MAPKAP1: variants seen among roughly 807,000 people sequenced by gnomAD.
MAPKAP1 encodes the protein MAPK associated protein 1.
In MAPKAP1, 20 loss-of-function variants were observed where a neutral mutation model predicts 65.7. The ratio of observed to expected loss-of-function variants is 0.30; its 90% CI spans 0.21 to 0.44. The LOEUF (loss-of-function observed/expected upper bound fraction) is 0.44. MAPKAP1 is among the 20% of genes least tolerant of loss of function. The probability of loss-of-function intolerance (pLI) is 1.00; values close to 1 mark genes in which losing one functional copy is unlikely to be tolerated. For missense variants in MAPKAP1, 423 were observed against 648.0 expected (o/e 0.65, Z 3.77); for synonymous variants, 222 against 244.3 (o/e 0.91, Z 0.85).
At chr9:125,656,991 T>C (rs754253451) in intron 4 of MAPKAP1, among the ~76,000 whole-genome samples, 1 of 152,154 alleles carries the variant, frequency 6.6e-6, no homozygotes, top group Non-Finnish European at 1.5e-5. Flanking sequence ...TTAGCCTCCA[T>C]AGCAAGTGTC....
chr9:125,565,740 G>GAAA, intron 5 of MAPKAP1: 1 of 124,612 alleles, frequency 8.0e-6, no homozygotes, highest in Admixed American at 1.9e-4. Context: ...TTTCTCTCCT[G>GAAA]CAAAAAAAAA....
At chr9:125,494,323 C>T (rs546242978) in intron 8 of MAPKAP1, among the ~76,000 whole-genome samples, 118 of 152,288 alleles carry the variant, frequency 7.7e-4, no homozygotes, top group Non-Finnish European at 1.3e-3. Context: ...GCCTGCCCAC[C>T]GCTCTGCAGT....
chr9:125,597,849 C>A (rs1466245783), intron 4 of MAPKAP1, among the ~76,000 whole-genome samples: 1 of 152,152 alleles, frequency 6.6e-6, no homozygotes, highest in Non-Finnish European at 1.5e-5. Context: ...GTACCTTTAT[C>A]CCAACTTCCT....
At chr9:125,616,919 T>C (rs1181072916) in intron 4 of MAPKAP1, among the ~76,000 whole-genome samples, 3 of 152,138 alleles carry the variant, frequency 2.0e-5, no homozygotes, top group Non-Finnish European at 4.4e-5. Flanking sequence ...TAAAATAGAA[T>C]TGATTAGAAT....
chr9:125,541,523 T>C (rs1438692246), intron 7 of MAPKAP1, among the ~76,000 whole-genome samples: 1 of 152,144 alleles, frequency 6.6e-6, no homozygotes, highest in Non-Finnish European at 1.5e-5. Flanking sequence ...TCCGAAAGGG[T>C]GAATGCCTAC....
At chr9:125,576,322 T>C (rs148811099) in intron 5 of MAPKAP1, among the ~76,000 whole-genome samples, 26 of 152,328 alleles carry the variant, frequency 1.7e-4, no homozygotes, top group African/African-American at 5.8e-4. Context: ...CTTTAACAAA[T>C]GTACCACACT....
chr9:125,682,081 G>GAA (rs34775695), intron 1 of MAPKAP1, among the ~76,000 whole-genome samples: 13 of 151,340 alleles, frequency 8.6e-5, no homozygotes, highest in South Asian at 2.1e-4. Context: ...GTTTTAACAG[G>GAA]AAAAAAAAAT....
intron 5 of MAPKAP1, among the ~76,000 whole-genome samples, chr9:125,577,117 C>A (rs1382407377): frequency 6.6e-6 from 1 of 151,518 alleles, no homozygotes; most frequent in Non-Finnish European, 1.5e-5. Flanking sequence ...AAGTGAGGAG[C>A]GTCTCTGCCC....
intron 3 of MAPKAP1, among the ~76,000 whole-genome samples, chr9:125,661,308 T>C (rs1464790455): frequency 7.2e-5 from 11 of 152,148 alleles, no homozygotes; most frequent in Admixed American, 7.2e-4. Flanking sequence ...ATTTACCCTC[T>C]GACCCAACAA....
At chr9:125,463,452 A>G (rs1243059276) in intron 10 of MAPKAP1, among the ~76,000 whole-genome samples, 2 of 152,240 alleles carry the variant, frequency 1.3e-5, no homozygotes, top group Admixed American at 1.3e-4. Context: ...TACTTTACAG[A>G]TCTTGTCAAG....
chr9:125,705,029 T>C (rs1185087029), intron 1 of MAPKAP1, among the ~76,000 whole-genome samples: 1 of 152,196 alleles, frequency 6.6e-6, no homozygotes, highest in Non-Finnish European at 1.5e-5. Flanking sequence ...TAGACTGTCT[T>C]CTCTGCTCAT....
chr9:125,626,612 C>T (rs1033969480), intron 4 of MAPKAP1, among the ~76,000 whole-genome samples: 20 of 152,170 alleles, frequency 1.3e-4, no homozygotes, highest in African/African-American at 4.3e-4. Context: ...CACTGATCAG[C>T]GCAGACACAG....
chr9:125,488,368 TTCTC>T (rs141818624), intron 8 of MAPKAP1, among the ~76,000 whole-genome samples: 26,191 of 152,070 alleles, frequency 0.17, 2,690 homozygotes, highest in East Asian at 0.25. Context: ...ATTTCTTTCT[TTCTC>T]TCTCTCTTTT....
intron 4 of MAPKAP1, among the ~76,000 whole-genome samples, chr9:125,626,552 A>G (rs1833125079): frequency 2.0e-5 from 3 of 152,186 alleles, no homozygotes; most frequent in Admixed American, 1.3e-4. Context: ...CCATCACCAC[A>G]CTGGCCACAT....
chr9:125,685,170 A>G (rs746595616), intron 1 of MAPKAP1, among the ~76,000 whole-genome samples: 1 of 152,092 alleles, frequency 6.6e-6, no homozygotes, highest in African/African-American at 2.4e-5. Context: ...TCCTGCCCTC[A>G]TGGCAGGACA....
chr9:125,698,308 T>A (rs1341853647), intron 1 of MAPKAP1, among the ~76,000 whole-genome samples: 32 of 50,024 alleles, frequency 6.4e-4, no homozygotes, highest in African/African-American at 2.2e-3. Flanking sequence ...TATATATATA[T>A]ATATATATAT....
intron 4 of MAPKAP1, among the ~76,000 whole-genome samples, chr9:125,647,379 C>T (rs1833758759): frequency 1.3e-5 from 2 of 152,120 alleles, no homozygotes; most frequent in South Asian, 4.1e-4. Context: ...GTGGAGAGTA[C>T]CATTCTGGGC....
At chr9:125,582,729 C>G (rs1010786114) in intron 5 of MAPKAP1, among the ~76,000 whole-genome samples, 1 of 152,228 alleles carries the variant, frequency 6.6e-6, no homozygotes, top group African/African-American at 2.4e-5. Context: ...CAGTCTCACT[C>G]CAGCTTCTAG....
At chr9:125,679,036 C>T (rs561074850) in intron 1 of MAPKAP1, among the ~76,000 whole-genome samples, 31 of 150,156 alleles carry the variant, frequency 2.1e-4, no homozygotes, top group African/African-American at 4.2e-4. Flanking sequence ...GAGTCTCGCA[C>T]TGTCGTCCAG....
Sources: gnomAD v4.1 joint callset for allele counts (sites outside exome capture counted in the v4.1 genomes callset) on GRCh38, gnomAD v4.1.1 for gene constraint, MANE v1.5 for transcripts, NCBI Gene and HGNC (gene_info 2026-07-23, HGNC 2026-07-21) for gene names.